USH1C: variants seen among roughly 807,000 people sequenced by gnomAD.
USH1C encodes the protein USH1 protein network component harmonin, also known as harmonin.
USH1C carries 90 observed loss-of-function variants against 119.3 expected under a neutral mutation model. The observed-to-expected ratio is 0.75, with a 90% confidence interval of 0.64 to 0.90. The LOEUF (loss-of-function observed/expected upper bound fraction) is 0.90. Among genes scored for constraint, USH1C ranks in the 40% least tolerant of loss-of-function variants. USH1C has a pLI of 0.00. For synonymous variants in USH1C, 465 were observed against 443.3 expected, an observed-to-expected ratio of 1.05 and a Z score of -0.62; for missense variants, 1,165 against 1,167.7, an observed-to-expected ratio of 1.00 and a Z score of 0.03.
chr11:17,505,892 G>A lies in USH1C; in HGVS notation c.2071C>T (p.Pro691Ser). 6.2e-7 allele frequency: 1 copy of A among 1,614,192 alleles called. No homozygotes were observed. The highest frequency in any genetic ancestry group is 1.3e-5 in the African/African-American group (1 of 75,046). ...TTGGGCTCCTGGTGGACCATGACAG[G>A]TTTGGAGATGGTGGACACGCCAGGG... is the stretch of plus-strand genomic sequence containing the variant. ...RGPGVSTISK[P>S]VMVHQEPNFI... Residue 691 changes from proline (P) to serine (S), a missense_variant, in exon 19 of 27, where the codon CCT becomes TCT. Physicochemically the swap from Pro to Ser is moderately conservative, Grantham distance 74. Transcript: ENST00000005226.
Position 17,511,909 on chromosome 11 carries a change from G to A in USH1C, c.1406C>T (p.Ala469Val). 1 of 1,613,704 alleles carries A rather than the reference G, an allele frequency of 6.2e-7. No homozygotes were observed. Among genetic ancestry groups the A allele is most frequent in the Non-Finnish European group, 8.5e-7 (1 of 1,179,904 alleles). Residue 469 changes from alanine to valine, a missense_variant, in exon 16 of 27, where the codon GCC becomes GTC. Ala to Val is a moderately conservative substitution (Grantham distance 64). Coordinates refer to ENST00000005226, the MANE Select transcript of USH1C (RefSeq NM_153676.4). Reference sequence around the variant, plus strand: ...TGCAGGCAGGACACATACCTCCTGGGCCAGCCGGTTGATCTTTAGCTGCTT... The same window carrying A: ...TGCAGGCAGGACACATACCTCCTGGACCAGCCGGTTGATCTTTAGCTGCTT... ...KEKQLKINRL[A>V]QEVSETERED...
chr11:17,530,671 A>G (rs977383441), intron 4 of USH1C, among the ~76,000 whole-genome samples: 1 of 152,226 alleles, frequency 6.6e-6, no homozygotes, highest in Non-Finnish European at 1.5e-5. Context: ...TAGATGAGGA[A>G]ATTGAAGCAC....
rs1185188927 is a variant in USH1C, at chr11:17,526,816, G to T, written c.522-6C>A. 6.2e-7 allele frequency: 1 copy of T among 1,613,750 alleles called. No individual in the cohort carries two copies. ...TGAGGGGCTCATCAGGAGAGCTGAT[G>T]GGAAGGGAAAATAGATGGGAGGGTG... On this transcript the variant is annotated splice_polypyrimidine_tract_variant and splice_region_variant and intron_variant, in intron 6 of 26. Coordinates refer to ENST00000005226, the MANE Select transcript of USH1C (RefSeq NM_153676.4).
At position 17,534,385 on chromosome 11, in the gene USH1C, G is replaced by A. The variant is rs117837266; in HGVS notation, c.37-1063C>T. On this transcript the variant is annotated intron_variant, in intron 1 of 26. Coordinates refer to ENST00000005226, the MANE Select transcript of USH1C (RefSeq NM_153676.4). ...CCAGCCCTTGGGATTTCTGGCCTGA[G>A]CAGGGGGTACAGAATGCAGATTTCT... Among the ~76,000 whole-genome samples the A allele has an allele frequency of 4.4e-4, 67 of 152,346 alleles. 1 individual carries two copies. In the East Asian group the frequency reaches 0.011, roughly 25 times the overall value.
intron 1 of USH1C, among the ~76,000 whole-genome samples, chr11:17,536,584 G>T (rs984247912): frequency 6.6e-6 from 1 of 152,188 alleles, no homozygotes; most frequent in Admixed American, 6.5e-5. Flanking sequence ...GCTCCCAGAG[G>T]TCTCATCCTA....
intron 19 of USH1C, 75 bp from the exon 20 acceptor site, chr11:17,504,772 T>G: frequency 6.6e-7 from 1 of 1,517,266 alleles, no homozygotes; most frequent in Admixed American, 1.7e-5. Flanking sequence ...GTGCCAGGCT[T>G]CGGGCCTGCC....
chr11:17,510,697 G>A (rs546153089), intron 16 of USH1C, among the ~76,000 whole-genome samples, 176 bp from the exon 17 acceptor site: 1 of 152,262 alleles, frequency 6.6e-6, no homozygotes, highest in East Asian at 1.9e-4. Context: ...CAGCAGCAAG[G>A]GAGAAGAGAG....
intron 21 of USH1C, 151 bp downstream of exon 21, chr11:17,501,788 G>T: frequency 1.0e-6 from 1 of 969,984 alleles, no homozygotes; most frequent in Non-Finnish European, 1.6e-6. Flanking sequence ...AATCTTCGTG[G>T]GAAGAGCAGC....
chr11:17,511,168 C>G (rs1591981912), intron 16 of USH1C, among the ~76,000 whole-genome samples: 1 of 152,194 alleles, frequency 6.6e-6, no homozygotes, highest in East Asian at 1.9e-4. Flanking sequence ...TTCATGGGGA[C>G]AGCCTCAGAT....
In USH1C at chr11:17,527,300, T is replaced by G. The variant is rs775231512; in HGVS notation, c.419A>C (p.Tyr140Ser). The G allele has an allele frequency of 5.6e-6, 9 of 1,612,798 alleles. No individual in the cohort carries two copies. The highest frequency in any genetic ancestry group is 1.7e-4 in the Middle Eastern group (1 of 6,050). ...VGDEIVRING[Y>S]SISSCTHEEV... ...CTCATGGGTACAGGAGGAGATGGAA[T>G]ATCCATTGATCCGGACGATCTCGTC... is the stretch of plus-strand genomic sequence containing the variant. The change falls in exon 5 of 27, where the codon TAT (tyrosine) becomes TCT (serine). Residue 140 changes from tyrosine (Y) to serine (S), a missense_variant. Transcript: ENST00000005226.
At chr11:17,538,505 A>G (rs553636388) in intron 1 of USH1C, among the ~76,000 whole-genome samples, 1 of 152,332 alleles carries the variant, frequency 6.6e-6, no homozygotes, top group Middle Eastern at 3.4e-3. Context: ...GAGAGCCAGA[A>G]CAAATTAAAT....
chr11:17,530,893 C>T (rs1246588858), intron 4 of USH1C, among the ~76,000 whole-genome samples: 2 of 152,208 alleles, frequency 1.3e-5, no homozygotes, highest in Non-Finnish European at 2.9e-5. Context: ...GGGGGAAGTG[C>T]AGCGGCAGCA....
intron 1 of USH1C, among the ~76,000 whole-genome samples, chr11:17,538,265 T>C (rs1416158713): frequency 6.6e-6 from 1 of 152,190 alleles, no homozygotes; most frequent in East Asian, 1.9e-4. Flanking sequence ...TATTGGTCTG[T>C]GTGGGAGGGA....
intron 14 of USH1C, among the ~76,000 whole-genome samples, chr11:17,518,725 ATGC>A (rs1850268006): frequency 6.6e-6 from 1 of 152,208 alleles, no homozygotes; most frequent in Non-Finnish European, 1.5e-5. Flanking sequence ...ATTTTAAAAA[ATGC>A]AGGGCCCGGG....
intron 18 of USH1C, among the ~76,000 whole-genome samples, chr11:17,508,718 A>C (rs371727519): frequency 6.6e-6 from 1 of 152,326 alleles, no homozygotes; most frequent in East Asian, 1.9e-4. Flanking sequence ...TATTCTTTTA[A>C]TAGTAAATTA....
At chr11:17,501,290 G>A (rs553180744) in intron 22 of USH1C, 140 bp from the exon 23 acceptor site, 23 of 1,036,126 alleles carry the variant, frequency 2.2e-5, no homozygotes, top group African/African-American at 1.7e-4. Context: ...TGGAGAAAAC[G>A]CAGCCTTGGT....
chr11:17,516,224 A>C lies in USH1C; in HGVS notation c.1260+17T>G, dbSNP rs199587410. 7 of 1,613,628 alleles carry C rather than the reference A, an allele frequency of 4.3e-6. No individual in the cohort carries two copies. Among genetic ancestry groups the C allele is most frequent in the Middle Eastern group, 1.6e-4 (1 of 6,062 alleles). On this transcript the variant is annotated intron_variant, in intron 15 of 26. Transcript: ENST00000005226. ...AAACTAAGCAGCACACCAGCACAGC[A>C]CCCAACCCTGTCCTACCTTCCGGAT...
In USH1C at chr11:17,521,562, A is replaced by T. The variant is rs527425273; in HGVS notation, c.1020-151T>A. The T allele has an allele frequency of 4.4e-5, 34 of 776,184 alleles. No homozygotes were observed. In the African/African-American group the frequency reaches 5.4e-4, roughly 12 times the overall value. 48.1% of individuals were successfully genotyped at this position (776,184 alleles called of 1,614,324 possible). A position where few individuals can be genotyped will look rare whatever the true frequency, so the allele number is the denominator to read the frequency against. The stretch of plus-strand genomic sequence containing the variant: ...ACCAGCTTTGGTTTTGGGGGACGTT[A>T]TCTAACAAAGTCTGGACGCTGTGCT... On this transcript the variant is annotated intron_variant, in intron 12 of 26. Transcript: ENST00000005226.
rs754629010 is a variant in USH1C, at chr11:17,498,288, C to T, written c.2381-17G>A. 1.2e-6 allele frequency: 2 copies of T among 1,612,812 alleles called. No individual in the cohort carries two copies. The highest frequency in any genetic ancestry group is 2.2e-5 in the East Asian group (1 of 44,874). Reference sequence around the variant, plus strand: ...CAATGCCACCTGCAGGCAGATGAGGCTGATTGGCCAACTGGGCTGTATGTG... The same window carrying T: ...CAATGCCACCTGCAGGCAGATGAGGTTGATTGGCCAACTGGGCTGTATGTG... On this transcript the variant is annotated splice_polypyrimidine_tract_variant and intron_variant, in intron 23 of 26. Transcript: ENST00000005226.
Sources: allele counts gnomAD v4.1 joint callset (sites outside exome capture counted in the v4.1 genomes callset), GRCh38; gene constraint gnomAD v4.1.1; transcripts MANE v1.5; gene names NCBI Gene and HGNC (gene_info 2026-07-23, HGNC 2026-07-21).